ARHGAP15: variants seen among roughly 807,000 people sequenced by gnomAD.
ARHGAP15 encodes the protein Rho GTPase activating protein 15.
Under a neutral mutation model 63.7 loss-of-function variants are expected in ARHGAP15, and 51 were observed. The observed-to-expected ratio is 0.80, with a 90% confidence interval of 0.64 to 1.01. The LOEUF (loss-of-function observed/expected upper bound fraction) is 1.01. ARHGAP15 is among the 50% of genes least tolerant of loss of function. The probability of loss-of-function intolerance (pLI) is 0.00; values close to 1 mark genes in which losing one functional copy is unlikely to be tolerated. For synonymous variants in ARHGAP15, 191 were observed against 193.8 expected (o/e 0.99, Z 0.12); for missense variants, 560 against 564.6 (o/e 0.99, Z 0.08).
rs1438969587 is a variant in ARHGAP15 at position 143,330,121 on chromosome 2, A to T, written c.474+79521A>T. On this transcript the variant is annotated intron_variant, in intron 6 of 13. Coordinates refer to ENST00000295095, the MANE Select transcript of ARHGAP15 (RefSeq NM_018460.4). ...AAAAAAAAAAAAAAAAAAAAAAAAA[A>T]AAAAAAAAAACCAAAAACAAAAAAC... 4.1e-4 allele frequency among the ~76,000 whole-genome samples: 36 copies of T among 87,254 alleles called. 2 individuals carry two copies. Among genetic ancestry groups the T allele is most frequent in the Admixed American group, 1.8e-3 (13 of 7,286 alleles). The allele number at this position is 87,254 out of a possible 152,430, so 57.2% of individuals were successfully genotyped here.
chr2:143,738,737 C>T (rs185390563), intron 13 of ARHGAP15, among the ~76,000 whole-genome samples: 49 of 152,112 alleles, frequency 3.2e-4, no homozygotes, highest in Middle Eastern at 3.4e-3. Context: ...CTCTAAAATC[C>T]GCAAATCACA....
At chr2:143,275,454 C>A (rs1267833205) in intron 6 of ARHGAP15, among the ~76,000 whole-genome samples, 1 of 152,302 alleles carries the variant, frequency 6.6e-6, no homozygotes, top group South Asian at 2.1e-4. Flanking sequence ...TGCAGTTAGA[C>A]AATTTGCAAA....
At chr2:143,383,200 C>CA (rs1289837560) in intron 6 of ARHGAP15, among the ~76,000 whole-genome samples, 1 of 152,116 alleles carries the variant, frequency 6.6e-6, no homozygotes, top group Non-Finnish European at 1.5e-5. Context: ...AATGACATTT[C>CA]AGAACTATTG....
In ARHGAP15 at chr2:143,703,399, CTTT is replaced by C; in HGVS notation, c.1139-17_1139-15del. The C allele has an allele frequency of 6.3e-7, 1 of 1,591,386 alleles. No individual in the cohort carries two copies. Among genetic ancestry groups the C allele is most frequent in the African/African-American group, 1.4e-5 (1 of 73,514 alleles). ...AAATCTTGTTTTTTCCCTAACCTTC[CTTT>C]TTATTTTTTTTTCCAGAAAAGCAAG... On this transcript the variant is annotated splice_polypyrimidine_tract_variant and intron_variant, in intron 12 of 13. Transcript: ENST00000295095.
At chr2:143,450,951 C>T (rs1368104125) in intron 8 of ARHGAP15, among the ~76,000 whole-genome samples, 3 of 151,996 alleles carry the variant, frequency 2.0e-5, no homozygotes, top group Admixed American at 6.6e-5. Context: ...TTTCATAAAT[C>T]TTGCTCAAGA....
intron 6 of ARHGAP15, among the ~76,000 whole-genome samples, chr2:143,384,108 G>T (rs150779297): frequency 5.6e-4 from 85 of 152,134 alleles, no homozygotes; most frequent in African/African-American, 2.0e-3. Flanking sequence ...TTGACTATAC[G>T]TAAGTGAAAA....
intron 11 of ARHGAP15, among the ~76,000 whole-genome samples, chr2:143,600,682 T>G (rs1384287146): frequency 6.6e-6 from 1 of 152,150 alleles, no homozygotes; most frequent in Non-Finnish European, 1.5e-5. Context: ...TGAAGGAGCT[T>G]AGAGACTCAT....
intron 6 of ARHGAP15, among the ~76,000 whole-genome samples, chr2:143,296,045 C>T (rs1347352989): frequency 6.6e-6 from 1 of 151,996 alleles, no homozygotes; most frequent in Admixed American, 6.6e-5. Flanking sequence ...GCTGTCCTGT[C>T]TAACTACATT....
intron 6 of ARHGAP15, among the ~76,000 whole-genome samples, chr2:143,313,758 ATG>A (rs1207019671): frequency 6.6e-6 from 1 of 152,124 alleles, no homozygotes; most frequent in African/African-American, 2.4e-5. Context: ...GGCTTTGCTA[ATG>A]TGTCTTCTGT....
At chr2:143,206,497 C>T (rs942703670) in intron 3 of ARHGAP15, among the ~76,000 whole-genome samples, 1 of 151,952 alleles carries the variant, frequency 6.6e-6, no homozygotes, top group African/African-American at 2.4e-5. Flanking sequence ...TTAGCATTTT[C>T]TCTAGGAAGG....
rs987497440 is a variant in ARHGAP15, at chr2:143,213,227, G to A, written c.235-3157G>A. Among the ~76,000 whole-genome samples, 3 of 152,104 alleles carry A rather than the reference G, an allele frequency of 2.0e-5. 1 individual carries two copies. Among genetic ancestry groups the A allele is most frequent in the African/African-American group, 7.2e-5 (3 of 41,422 alleles). ...GTACATCAAGTATTAAAAAGACAAT[G>A]AAAGGGCCGGGTGCGGTGGCTCATG... On this transcript the variant is annotated intron_variant, in intron 3 of 13. Coordinates refer to ENST00000295095, the MANE Select transcript of ARHGAP15 (RefSeq NM_018460.4).
At chr2:143,480,532 G>A (rs1692031604) in intron 8 of ARHGAP15, among the ~76,000 whole-genome samples, 1 of 152,174 alleles carries the variant, frequency 6.6e-6, no homozygotes, top group African/African-American at 2.4e-5. Context: ...GAGCACTGCA[G>A]TTAAAGTGCC....
At chr2:143,349,901 A>G (rs920723372) in intron 6 of ARHGAP15, among the ~76,000 whole-genome samples, 6 of 152,202 alleles carry the variant, frequency 3.9e-5, no homozygotes, top group Non-Finnish European at 7.3e-5. Flanking sequence ...CATATGGATG[A>G]TAAGATATTA....
At chr2:143,213,990 T>C (rs1692651892) in intron 3 of ARHGAP15, among the ~76,000 whole-genome samples, 1 of 152,248 alleles carries the variant, frequency 6.6e-6, no homozygotes, top group Non-Finnish European at 1.5e-5. Context: ...AAGAGAATTC[T>C]ATGATGTACA....
chr2:143,515,433 G>A (rs1574562307), intron 9 of ARHGAP15, among the ~76,000 whole-genome samples: 1 of 152,220 alleles, frequency 6.6e-6, no homozygotes, highest in East Asian at 1.9e-4. Flanking sequence ...AAGTTTTGTT[G>A]CTTATTTTTA....
chr2:143,652,895 AT>A (rs983312476), intron 12 of ARHGAP15, among the ~76,000 whole-genome samples: 17 of 151,812 alleles, frequency 1.1e-4, no homozygotes, highest in African/African-American at 2.9e-4. Context: ...AGCTGGATAC[AT>A]TTTTTTTCCT....
intron 1 of ARHGAP15, among the ~76,000 whole-genome samples, chr2:143,148,398 T>C (rs1689679001): frequency 6.6e-6 from 1 of 152,028 alleles, no homozygotes; most frequent in Non-Finnish European, 1.5e-5. Context: ...GCTCAATAAA[T>C]ATTTGAAGTG....
At chr2:143,579,816 G>A (rs914634906) in intron 11 of ARHGAP15, among the ~76,000 whole-genome samples, 5 of 151,680 alleles carry the variant, frequency 3.3e-5, no homozygotes, top group Admixed American at 2.0e-4. Context: ...AACTTTTCCA[G>A]CACTCCCTGC....
intron 8 of ARHGAP15, among the ~76,000 whole-genome samples, chr2:143,485,956 T>C (rs1692305482): frequency 6.6e-6 from 1 of 152,176 alleles, no homozygotes; most frequent in African/African-American, 2.4e-5. Context: ...ATAAGCAGGA[T>C]ATTTTTCTTT....
Sources: allele counts gnomAD v4.1 joint callset (sites outside exome capture counted in the v4.1 genomes callset), GRCh38; gene constraint gnomAD v4.1.1; transcripts MANE v1.5; gene names NCBI Gene and HGNC (gene_info 2026-07-23, HGNC 2026-07-21).